TMEM217: variants seen among roughly 807,000 people sequenced by gnomAD.
TMEM217 encodes the protein transmembrane protein 217.
For synonymous variants in TMEM217, 76 were observed against 88.3 expected, an observed-to-expected ratio of 0.86 and a Z score of 0.78; for missense variants, 204 against 248.8, an observed-to-expected ratio of 0.82 and a Z score of 1.21.
chr6:37,231,572 C>T (rs1168101315), intron 1 of TMEM217, among the ~76,000 whole-genome samples: 1 of 148,308 alleles, frequency 6.7e-6, no homozygotes, highest in Non-Finnish European at 1.5e-5. Flanking sequence ...ATTCGGGAGG[C>T]TGAGGCAGGA....
exon 4 of TMEM217, chr6:37,212,447 G>A (rs562033442): frequency 5.3e-5 from 23 of 436,614 alleles, no homozygotes; most frequent in African/African-American, 3.2e-4. Flanking sequence ...ATTCCCAGAC[G>A]GACAGGTAGT....
chr6:37,219,362 C>T (rs1217285912), intron 1 of TMEM217, among the ~76,000 whole-genome samples: 3 of 152,280 alleles, frequency 2.0e-5, no homozygotes, highest in East Asian at 1.9e-4. Flanking sequence ...GGTTGGGATC[C>T]AGGCACCAGT....
exon 2 of TMEM217, chr6:37,218,066 G>A: frequency 1.0e-6 from 1 of 1,004,720 alleles, no homozygotes; most frequent in Non-Finnish European, 1.2e-6. Flanking sequence ...AAAAGTGGGG[G>A]GAAAAAAGGA....
chr6:37,212,734 TGGATACAATAAAAGA>T (rs897733419), downstream of TMEM217: 3 of 672,296 alleles, frequency 4.5e-6, no homozygotes, highest in African/African-American at 3.5e-5. Flanking sequence ...GATATTCTTG[TGGATACAATAAAAGA>T]GGAAGCAGCC....
chr6:37,224,081 C>A (rs1763678880), intron 1 of TMEM217, among the ~76,000 whole-genome samples: 3 of 151,448 alleles, frequency 2.0e-5, no homozygotes. Flanking sequence ...GGACTACAGG[C>A]GCCCACCACC....
chr6:37,241,170 C>T, intron 1 of TMEM217, among the ~76,000 whole-genome samples: 1 of 148,226 alleles, frequency 6.7e-6, no homozygotes. Flanking sequence ...ACAATCTTGG[C>T]TCACTGCACC....
intron 1 of TMEM217, among the ~76,000 whole-genome samples, chr6:37,224,385 T>A (rs2113832004): frequency 6.7e-6 from 1 of 148,944 alleles, no homozygotes. Flanking sequence ...GATCATGAGG[T>A]CAGGAGATCG....
chr6:37,249,409 T>C (rs1765272315), intron 1 of TMEM217, among the ~76,000 whole-genome samples: 1 of 152,152 alleles, frequency 6.6e-6, no homozygotes, highest in Non-Finnish European at 1.5e-5. Flanking sequence ...AACCTCCACT[T>C]TCCAGGTTCA....
At chr6:37,252,443 C>A (rs1433744046) in intron 1 of TMEM217, among the ~76,000 whole-genome samples, 1 of 151,356 alleles carries the variant, frequency 6.6e-6, no homozygotes, top group Non-Finnish European at 1.5e-5. Context: ...TTTGTCAACC[C>A]CTGGTTGACA....
Position 37,250,791 on chromosome 6 carries a change from T to C in TMEM217, c.-12+6777A>G, listed in dbSNP as rs190996662. 8.5e-5 allele frequency among the ~76,000 whole-genome samples: 13 copies of C among 152,406 alleles called. No individual in the cohort carries two copies. In the East Asian group the frequency reaches 2.5e-3, roughly 29 times the overall value. On this transcript the variant is annotated intron_variant, in intron 1 of 1. Coordinates refer to ENST00000357219, the Ensembl canonical transcript of TMEM217. The stretch of plus-strand genomic sequence containing the variant: ...TGCCCATATTACATGCAACACATTC[T>C]GATCTTTTCTATTTCTGTCTATTCT...
intron 1 of TMEM217, among the ~76,000 whole-genome samples, chr6:37,220,494 C>T (rs746422561): frequency 2.6e-5 from 4 of 151,902 alleles, no homozygotes; most frequent in Non-Finnish European, 4.4e-5. Flanking sequence ...GTTAACTACA[C>T]TGAGCAGGTG....
intron 1 of TMEM217, among the ~76,000 whole-genome samples, chr6:37,253,253 A>G (rs187398073): frequency 1.3e-5 from 2 of 152,288 alleles, no homozygotes; most frequent in Admixed American, 1.3e-4. Flanking sequence ...TCATGTTTAA[A>G]TCTTCATATT....
At chr6:37,227,435 G>A (rs571254518) in intron 1 of TMEM217, among the ~76,000 whole-genome samples, 7 of 151,958 alleles carry the variant, frequency 4.6e-5, no homozygotes, top group African/African-American at 9.7e-5. Context: ...TGCTCTAAGC[G>A]AAGGTTTTTT....
intron 1 of TMEM217, among the ~76,000 whole-genome samples, chr6:37,231,349 C>T (rs767122102): frequency 2.0e-5 from 3 of 147,620 alleles, no homozygotes; most frequent in African/African-American, 5.0e-5. Flanking sequence ...GGATTACAGG[C>T]GTGAGTGATC....
At chr6:37,239,542 A>G (rs918488899) in intron 1 of TMEM217, among the ~76,000 whole-genome samples, 4 of 152,184 alleles carry the variant, frequency 2.6e-5, no homozygotes, top group African/African-American at 9.7e-5. Context: ...AAAGCATTGA[A>G]GCATAGTGTA....
rs565732489 is a variant in TMEM217 at position 37,233,351 on chromosome 6, A to C, written c.-11-14310T>G. Among the ~76,000 whole-genome samples the C allele has an allele frequency of 3.9e-5, 6 of 152,280 alleles. No homozygotes were observed. In the South Asian group the frequency reaches 1.0e-3, roughly 26 times the overall value. ...TAGTCCATTCATGCAATATGTCACA[A>C]CACCACAGACTGGGAAATTTATAAA... is the stretch of plus-strand genomic sequence containing the variant. On this transcript the variant is annotated intron_variant, in intron 1 of 1. Transcript: ENST00000357219.
chr6:37,257,761 G>C (rs984836622), exon 1 of TMEM217: 3 of 753,446 alleles, frequency 4.0e-6, no homozygotes, highest in Non-Finnish European at 6.5e-6. Context: ...GTGCTGGGTG[G>C]AGGGGTGCCC....
chr6:37,218,592 T>C (rs1251718733), exon 2 of TMEM217: 1 of 1,614,172 alleles, frequency 6.2e-7, no homozygotes, highest in Non-Finnish European at 8.5e-7. Context: ...GCATAGTTGA[T>C]GACAAAGAAC....
intron 1 of TMEM217, among the ~76,000 whole-genome samples, chr6:37,219,799 T>C (rs1483908602): frequency 6.6e-6 from 1 of 152,078 alleles, no homozygotes; most frequent in Non-Finnish European, 1.5e-5. Context: ...GCCCAGATGG[T>C]GAAAATTGCC....
Sources: allele counts gnomAD v4.1 joint callset (sites outside exome capture counted in the v4.1 genomes callset), GRCh38; gene constraint gnomAD v4.1.1; transcripts MANE v1.5; gene names NCBI Gene and HGNC (gene_info 2026-07-23, HGNC 2026-07-21).